The following PHYHIP variants were observed in gnomAD, a reference collection of about 807,000 sequenced individuals.
PHYHIP encodes phytanoyl-CoA 2-hydroxylase interacting protein.
A neutral mutation model predicts 26.1 loss-of-function variants in PHYHIP; 7 were observed. That is an observed-to-expected ratio of 0.27 (90% CI 0.15 to 0.50). PHYHIP has a LOEUF of 0.50. Among genes scored for constraint, PHYHIP ranks in the 20% least tolerant of loss-of-function variants. The pLI, the probability that PHYHIP is intolerant of heterozygous loss-of-function variation, is 0.98. For synonymous variants in PHYHIP, 206 were observed against 183.4 expected (o/e 1.12, Z -1.00); for missense variants, 232 against 454.7 (o/e 0.51, Z 4.45).
chr8:22,225,640 C>CAAAAAAAAAA (rs57092360), intron 3 of PHYHIP, among the ~76,000 whole-genome samples: 1 of 127,976 alleles, frequency 7.8e-6, no homozygotes, highest in African/African-American at 3.1e-5. Context: ...ACTAAAAATA[C>CAAAAAAAAAA]AAAAAAAAAA....
chr8:22,228,741 T>TG (rs1829806476), intron 1 of PHYHIP: 1 of 128,832 alleles, frequency 7.8e-6, no homozygotes, highest in Non-Finnish European at 1.6e-5. Flanking sequence ...GAGAAAGGGG[T>TG]GGGGGTGGAG....
intron 2 of PHYHIP, chr8:22,227,818 G>C (rs781336215): frequency 9.3e-6 from 4 of 427,894 alleles, no homozygotes; most frequent in Non-Finnish European, 1.9e-5. Context: ...GGGCTTTGTC[G>C]AGACTTGAGA....
In PHYHIP at chr8:22,221,978, G is replaced by C. The variant is rs1041924990; in HGVS notation, c.459-91C>G. The C allele has an allele frequency of 3.2e-5, 37 of 1,149,384 alleles. No individual in the cohort carries two copies. Among genetic ancestry groups the C allele is most frequent in the South Asian group, 4.9e-5 (3 of 61,628 alleles). The allele number at this position is 1,149,384 out of a possible 1,614,324, so 71.2% of individuals were successfully genotyped here. A position where few individuals can be genotyped will look rare whatever the true frequency, so the allele number is the denominator to read the frequency against. On this transcript the variant is annotated intron_variant, in intron 4 of 4. Transcript: ENST00000454243. The surrounding 1 kb of genome is among the most constrained non-coding windows in gnomAD (Gnocchi z 7.9). ...TGGCTGCTGCGTGTGGTCGAGGAGGGAGGAAGCCAGCCCAGCTCCCAGCCC... is the reference window on the plus strand; with the variant it reads ...TGGCTGCTGCGTGTGGTCGAGGAGGCAGGAAGCCAGCCCAGCTCCCAGCCC...
intron 2 of PHYHIP, chr8:22,227,590 T>G (rs907234007): frequency 4.4e-6 from 2 of 456,252 alleles, no homozygotes; most frequent in Middle Eastern, 3.3e-4. Flanking sequence ...CTTGAGAGGA[T>G]GGGGGTCTTC....
chr8:22,228,599 G>T (rs531505974), intron 1 of PHYHIP: 5 of 454,566 alleles, frequency 1.1e-5, no homozygotes, highest in African/African-American at 3.9e-5. Context: ...TGCTCTCCTC[G>T]GAGGGGTCTG....
chr8:22,225,024 T>A (rs1829714783), intron 3 of PHYHIP, among the ~76,000 whole-genome samples: 1 of 152,180 alleles, frequency 6.6e-6, no homozygotes, highest in Admixed American at 6.5e-5. Flanking sequence ...TGTGGCTGCA[T>A]CCCTGGCCAG....
chr8:22,228,428 C>A, intron 1 of PHYHIP, 42 bp from the exon 2 acceptor site: 1 of 1,266,204 alleles, frequency 7.9e-7, no homozygotes, highest in South Asian at 1.4e-5. Flanking sequence ...TTGACCCCGG[C>A]GAGCTTTCTG....
At chr8:22,225,013 T>A (rs962560737) in intron 3 of PHYHIP, among the ~76,000 whole-genome samples, 6 of 152,152 alleles carry the variant, frequency 3.9e-5, no homozygotes, top group African/African-American at 1.4e-4. Context: ...CCTTCCCTCT[T>A]TGTGGCTGCA....
intron 3 of PHYHIP, among the ~76,000 whole-genome samples, chr8:22,224,659 C>A (rs1165177815): frequency 2.0e-5 from 3 of 152,190 alleles, no homozygotes; most frequent in Non-Finnish European, 4.4e-5. Context: ...GGCTGTGATC[C>A]CAGGCCATCC....
At chr8:22,226,759 G>C in intron 3 of PHYHIP, 92 bp downstream of exon 3, 1 of 1,211,602 alleles carries the variant, frequency 8.3e-7, no homozygotes, top group South Asian at 1.4e-5. Context: ...GTGTTCATCA[G>C]TGTTTGCTGG....
rs147854491 is a variant in PHYHIP, at chr8:22,229,305, G to C, written c.-29-919C>G. ...TCCCCTCATGTGTGGGGGTGGAGGG[G>C]CACATGTGTGGCGTGTGTGCATGCA... On this transcript the variant is annotated intron_variant, in intron 1 of 4. Coordinates refer to ENST00000454243, the MANE Select transcript of PHYHIP (RefSeq NM_014759.5). Among the ~76,000 whole-genome samples, 230 of 152,292 alleles carry C rather than the reference G, an allele frequency of 1.5e-3. 1 individual carries two copies. Among genetic ancestry groups the C allele is most frequent in the Admixed American group, 3.3e-3 (50 of 15,298 alleles).
intron 2 of PHYHIP, among the ~76,000 whole-genome samples, chr8:22,227,230 C>T (rs1434608048): frequency 6.6e-6 from 1 of 152,204 alleles, no homozygotes; most frequent in African/African-American, 2.4e-5. Flanking sequence ...CCTCCTCGAA[C>T]CCCCCTGACA....
chr8:22,223,335 C>A (rs1270561459), intron 4 of PHYHIP, among the ~76,000 whole-genome samples: 1 of 146,152 alleles, frequency 6.8e-6, no homozygotes, highest in Non-Finnish European at 1.5e-5. Flanking sequence ...GCACTCCAGC[C>A]TGGGTGACAG....
At chr8:22,228,416 C>A (rs1454792851) in intron 1 of PHYHIP, 30 bp from the exon 2 acceptor site, 1 of 1,369,080 alleles carries the variant, frequency 7.3e-7, no homozygotes, top group Admixed American at 2.1e-5. Flanking sequence ...TCAGTACATC[C>A]CTTGACCCCG....
In PHYHIP at chr8:22,221,970, C is replaced by G; in HGVS notation, c.459-83G>C. ...CTGAGGCTTGGCTGCTGCGTGTGGT[C>G]GAGGAGGGAGGAAGCCAGCCCAGCT... On this transcript the variant is annotated intron_variant, in intron 4 of 4. Coordinates refer to ENST00000454243, the MANE Select transcript of PHYHIP (RefSeq NM_014759.5). The surrounding 1 kb of genome is among the most constrained non-coding windows in gnomAD (Gnocchi z 7.9). 1 of 1,263,062 alleles carries G rather than the reference C, an allele frequency of 7.9e-7. No individual in the cohort carries two copies. Among genetic ancestry groups the G allele is most frequent in the Non-Finnish European group, 1.1e-6 (1 of 939,894 alleles). 78.2% of individuals were successfully genotyped at this position (1,263,062 alleles called of 1,614,324 possible).
At chr8:22,224,916 T>C (rs1829712108) in intron 3 of PHYHIP, among the ~76,000 whole-genome samples, 1 of 152,082 alleles carries the variant, frequency 6.6e-6, no homozygotes, top group Admixed American at 6.5e-5. Context: ...CAGGGAAGGC[T>C]GGAAACAGGA....
chr8:22,229,376 G>A (rs148869425), intron 1 of PHYHIP, among the ~76,000 whole-genome samples: 2 of 152,174 alleles, frequency 1.3e-5, no homozygotes, highest in African/African-American at 4.8e-5. Context: ...TCCTTCCATC[G>A]TTTCCTTTCA....
intron 2 of PHYHIP, among the ~76,000 whole-genome samples, chr8:22,227,989 G>A (rs944929958): frequency 1.1e-4 from 17 of 152,252 alleles, no homozygotes; most frequent in Non-Finnish European, 2.4e-4. Context: ...ACGACCCCGT[G>A]AGGCTTGGCA....
rs550933617 is a variant in PHYHIP, at chr8:22,231,461, G to A, written c.-30+335C>T. On this transcript the variant is annotated intron_variant, in intron 1 of 4. Coordinates refer to ENST00000454243, the MANE Select transcript of PHYHIP (RefSeq NM_014759.5). ...GCAAGCCTCCAGCCAACTCGCGAGC[G>A]CGCACACACACACGCCGCGCACACC... 1.8e-4 allele frequency among the ~76,000 whole-genome samples: 28 copies of A among 152,276 alleles called. No individual in the cohort carries two copies. The East Asian group carries it at 3.5e-3, about 19-fold the overall frequency.
Sources: allele counts gnomAD v4.1 joint callset (sites outside exome capture counted in the v4.1 genomes callset), GRCh38; gene constraint gnomAD v4.1.1; non-coding constraint Gnocchi (gnomAD v3.1); transcripts MANE v1.5; gene names NCBI Gene and HGNC (gene_info 2026-07-23, HGNC 2026-07-21).